HDAC4: variants seen among roughly 807,000 people sequenced by gnomAD.
HDAC4 encodes histone deacetylase 4, also known as histone deacetylase A.
HDAC4 carries 16 observed loss-of-function variants against 135.1 expected under a neutral mutation model. That is an observed-to-expected ratio of 0.12 (90% CI 0.08 to 0.18). The LOEUF is 0.18. Among genes scored for constraint, HDAC4 ranks in the 10% least tolerant of loss-of-function variants. The pLI is 1.00. For synonymous variants in HDAC4, 685 were observed against 653.4 expected (o/e 1.05, Z -0.74); for missense variants, 1,143 against 1,511.8 (o/e 0.76, Z 4.05).
At chr2:239,244,110 C>T (rs1320356121) in intron 2 of HDAC4, among the ~76,000 whole-genome samples, 2 of 152,178 alleles carry the variant, frequency 1.3e-5, no homozygotes, top group Non-Finnish European at 2.9e-5. Context: ...CAAGGGCTGA[C>T]GTCAGACCAG....
chr2:239,252,989 C>T (rs2048867418), intron 2 of HDAC4, among the ~76,000 whole-genome samples: 1 of 152,230 alleles, frequency 6.6e-6, no homozygotes, highest in Non-Finnish European at 1.5e-5. Flanking sequence ...CCGCACTGCA[C>T]ACTTCCTAGC....
chr2:239,113,579 T>C (rs376658812), intron 13 of HDAC4, among the ~76,000 whole-genome samples: 1 of 152,262 alleles, frequency 6.6e-6, no homozygotes, highest in Non-Finnish European at 1.5e-5. Flanking sequence ...AATCATCTCA[T>C]GCTTGGAATA....
At chr2:239,288,711 C>T (rs2051287815) in intron 2 of HDAC4, among the ~76,000 whole-genome samples, 1 of 151,626 alleles carries the variant, frequency 6.6e-6, no homozygotes, top group Non-Finnish European at 1.5e-5. Flanking sequence ...CAACTACAAT[C>T]TACCAAAGAA....
At chr2:239,367,442 G>A (rs1258239011) in intron 1 of HDAC4, among the ~76,000 whole-genome samples, 4 of 152,172 alleles carry the variant, frequency 2.6e-5, no homozygotes, top group Non-Finnish European at 5.9e-5. Context: ...GAGTAAGCAC[G>A]TTTTTTAGAT....
chr2:239,089,941 C>T (rs760181635), intron 18 of HDAC4, 68 bp downstream of exon 18: 23 of 1,174,556 alleles, frequency 2.0e-5, no homozygotes, highest in Non-Finnish European at 3.0e-5. Context: ...GAGTGGGCGG[C>T]CCCTCCCCAC....
At chr2:239,362,776 T>G (rs1693942681) in intron 1 of HDAC4, among the ~76,000 whole-genome samples, 1 of 152,216 alleles carries the variant, frequency 6.6e-6, no homozygotes, top group Non-Finnish European at 1.5e-5. Context: ...ACTCTCATCA[T>G]TTCCATTCAA....
chr2:239,200,438 A>T (rs1868314), intron 3 of HDAC4, among the ~76,000 whole-genome samples: 21,391 of 152,242 alleles, frequency 0.14, 1,595 homozygotes, highest in East Asian at 0.23. Context: ...AGGTAAAGAT[A>T]TAAAAATATT....
chr2:239,356,305 C>G (rs1693485771), intron 1 of HDAC4, among the ~76,000 whole-genome samples: 1 of 152,134 alleles, frequency 6.6e-6, no homozygotes, highest in South Asian at 2.1e-4. Context: ...CCAAGCCCAA[C>G]TATATCAGTG....
At position 239,331,330 on chromosome 2, in the gene HDAC4, G is replaced by C. The variant is rs546620998; in HGVS notation, c.22+21348C>G. ...AGGGAAGACAAGCAGGAAGGGGTGG[G>C]GTGGCCCTGCCCACTGCATTTCTGG... On this transcript the variant is annotated intron_variant, in intron 2 of 26. Transcript: ENST00000543185. This position sits in a 1 kb window ranked among gnomAD's most constrained non-coding sequence, Gnocchi z 4.5. Among the ~76,000 whole-genome samples the C allele has an allele frequency of 6.6e-6, 1 of 152,226 alleles. No individual in the cohort carries two copies. Among genetic ancestry groups the C allele is most frequent in the South Asian group, 2.1e-4 (1 of 4,824 alleles).
intron 1 of HDAC4, among the ~76,000 whole-genome samples, chr2:239,378,310 G>A (rs973026486): frequency 4.6e-5 from 7 of 152,222 alleles, no homozygotes; most frequent in Admixed American, 3.3e-4. Flanking sequence ...CACTAAAGCA[G>A]AGTCCAGGAT....
At chr2:239,399,834 T>C (rs1434873978) in intron 1 of HDAC4, among the ~76,000 whole-genome samples, 2 of 152,246 alleles carry the variant, frequency 1.3e-5, no homozygotes, top group South Asian at 2.1e-4. Context: ...TCATTAGTTT[T>C]AAAATAACTT....
chr2:239,368,712 G>C (rs1694394457), intron 1 of HDAC4, among the ~76,000 whole-genome samples: 1 of 152,124 alleles, frequency 6.6e-6, no homozygotes. Context: ...TGAGGTGGGA[G>C]ACCTGGGCAG....
At chr2:239,121,602 C>G (rs3791443) in intron 12 of HDAC4, among the ~76,000 whole-genome samples, 5 of 152,102 alleles carry the variant, frequency 3.3e-5, no homozygotes, top group Non-Finnish European at 2.9e-5. Flanking sequence ...CTCCCTTTCA[C>G]GAGGATGAAG....
intron 2 of HDAC4, among the ~76,000 whole-genome samples, chr2:239,282,749 C>G (rs947462169): frequency 6.8e-6 from 1 of 147,792 alleles, no homozygotes; most frequent in African/African-American, 2.5e-5. Context: ...CAGCACTCTA[C>G]ACACAATGTA....
At chr2:239,130,973 C>G (rs758098420) in intron 11 of HDAC4, among the ~76,000 whole-genome samples, 1 of 152,222 alleles carries the variant, frequency 6.6e-6, no homozygotes, top group African/African-American at 2.4e-5. Flanking sequence ...CCTTCTTACC[C>G]GGGAATGGGC....
At chr2:239,270,394 G>A (rs1016632407) in intron 2 of HDAC4, among the ~76,000 whole-genome samples, 5 of 152,200 alleles carry the variant, frequency 3.3e-5, no homozygotes, top group African/African-American at 1.2e-4. Context: ...AGCAGAGCTG[G>A]CAACATGCAG....
At chr2:239,094,341 C>T (rs557389562) in intron 17 of HDAC4, 9 of 985,448 alleles carry the variant, frequency 9.1e-6, no homozygotes, top group African/African-American at 5.2e-5. Flanking sequence ...CCTGTGTGGA[C>T]GGATGGGCAG....
At chr2:239,215,011 G>A (rs1407054536) in intron 3 of HDAC4, among the ~76,000 whole-genome samples, 1 of 152,212 alleles carries the variant, frequency 6.6e-6, no homozygotes, top group Admixed American at 6.5e-5. Flanking sequence ...ACGGCAAGCA[G>A]GCTCTAGGAT....
At chr2:239,344,259 C>T (rs982990830) in intron 2 of HDAC4, among the ~76,000 whole-genome samples, 2 of 152,112 alleles carry the variant, frequency 1.3e-5, no homozygotes, top group Non-Finnish European at 2.9e-5. Context: ...ATTCTCACAC[C>T]GCGTTTTCTA....
Sources: gnomAD v4.1 joint callset for allele counts (sites outside exome capture counted in the v4.1 genomes callset) on GRCh38, gnomAD v4.1.1 for gene constraint, Gnocchi (gnomAD v3.1) non-coding constraint, MANE v1.5 for transcripts, NCBI Gene and HGNC (gene_info 2026-07-23, HGNC 2026-07-21) for gene names.